Variants in XKR4 observed in about 807,000 individuals in gnomAD.
XKR4 encodes the protein XK related 4, also known as XK-related protein 4.
XKR4 carries 12 observed loss-of-function variants against 53.9 expected under a neutral mutation model. The ratio of observed to expected loss-of-function variants is 0.22; its 90% confidence interval spans 0.14 to 0.36. XKR4 has a LOEUF of 0.36. Ranked by LOEUF, XKR4 falls within the 10% of genes least tolerant of loss-of-function variation. The probability of loss-of-function intolerance (pLI) is 1.00; values close to 1 mark genes in which losing one functional copy is unlikely to be tolerated. For missense variants in XKR4, 799 were observed against 859.5 expected (o/e 0.93, Z 0.88); for synonymous variants, 354 against 362.4 (o/e 0.98, Z 0.26).
chr8:55,367,043 A>G (rs1803999161), intron 2 of XKR4, among the ~76,000 whole-genome samples: 1 of 152,204 alleles, frequency 6.6e-6, no homozygotes, highest in Admixed American at 6.5e-5. Flanking sequence ...CAAGTGTAAC[A>G]TAGATACAGA....
chr8:55,287,807 A>C (rs1250305782), intron 1 of XKR4, among the ~76,000 whole-genome samples: 2 of 152,192 alleles, frequency 1.3e-5, no homozygotes. Context: ...GAAGATAAGT[A>C]TGTTGTTTGC....
At position 55,536,346 on chromosome 8, in the gene XKR4, G is replaced by C. The variant is rs1807032268; in HGVS notation, c.*12119G>C. 1 of 152,174 alleles carries C rather than the reference G, an allele frequency of 6.6e-6. No homozygotes were observed. Among genetic ancestry groups the C allele is most frequent in the Non-Finnish European group, 1.5e-5 (1 of 68,044 alleles). The allele number at this position is 152,174 out of a possible 1,614,324, so 9.4% of individuals were successfully genotyped here. ...TCCTGACTAAGTTTCTTTTCTTTGG[G>C]GGGCTTTCAACATCTGAATTTTCCA... is the stretch of plus-strand genomic sequence containing the variant. On this transcript the variant is annotated 3_prime_UTR_variant, in exon 3 of 3. Transcript: ENST00000327381.
intron 1 of XKR4, among the ~76,000 whole-genome samples, chr8:55,248,265 G>T (rs538520218): frequency 6.4e-4 from 98 of 152,240 alleles, no homozygotes; most frequent in African/African-American, 2.4e-3. Flanking sequence ...AATATTTTTA[G>T]TTTCTTTTTC....
intron 1 of XKR4, among the ~76,000 whole-genome samples, chr8:55,119,934 C>T (rs892781563): frequency 1.3e-5 from 2 of 152,160 alleles, no homozygotes; most frequent in Non-Finnish European, 2.9e-5. Context: ...AATAAAGATG[C>T]TCTGTAAATG....
At chr8:55,139,218 G>T (rs1414433045) in intron 1 of XKR4, among the ~76,000 whole-genome samples, 3 of 152,154 alleles carry the variant, frequency 2.0e-5, no homozygotes, top group Non-Finnish European at 4.4e-5. Context: ...GATGAGAAGG[G>T]ACTTGCAATA....
At chr8:55,135,927 CT>C (rs1464816812) in intron 1 of XKR4, among the ~76,000 whole-genome samples, 1 of 150,436 alleles carries the variant, frequency 6.6e-6, no homozygotes, top group Non-Finnish European at 1.5e-5. Flanking sequence ...CAGAGTCTCG[CT>C]CTGTCCCCAG....
chr8:55,268,625 ATAGT>A (rs975632522), intron 1 of XKR4, among the ~76,000 whole-genome samples: 11 of 152,208 alleles, frequency 7.2e-5, no homozygotes, highest in Non-Finnish European at 1.3e-4. Flanking sequence ...TTCAAAAAAG[ATAGT>A]TAGGAAGACA....
At chr8:55,453,674 C>A (rs556495329) in intron 2 of XKR4, 2 of 410,662 alleles carry the variant, frequency 4.9e-6, no homozygotes, top group African/African-American at 2.1e-5. Context: ...GGGGAAGGGC[C>A]GGGGCGCCCA....
At position 55,535,204 on chromosome 8, in the gene XKR4, T is replaced by A. The variant is rs1807013549; in HGVS notation, c.*10977T>A. On this transcript the variant is annotated 3_prime_UTR_variant, in exon 3 of 3. Transcript: ENST00000327381. ...GGACAAAAAGTGGTCTACCACCATG[T>A]GACTTATTTTCTTTTTTTTTTTAAT... The A allele has an allele frequency of 7.9e-6, 1 of 125,906 alleles. No homozygotes were observed. Among genetic ancestry groups the A allele is most frequent in the African/African-American group, 2.9e-5 (1 of 34,216 alleles). 7.8% of individuals were successfully genotyped at this position (125,906 alleles called of 1,614,324 possible).
At position 55,103,093 on chromosome 8, in the gene XKR4, C is replaced by A; in HGVS notation, c.605C>A (p.Ala202Asp). ...ACGGTGGTCGGCGGTGGGTCTGCAGCCGGGGAAGGCGAGGCTCGTCCTTCC... is the reference window on the plus strand; with the variant it reads ...ACGGTGGTCGGCGGTGGGTCTGCAGACGGGGAAGGCGAGGCTCGTCCTTCC... ...CKTVVGGGSA[A>D]GEGEARPSTP... is the part of the protein sequence containing the mutation. The change falls in exon 1 of 3, where the codon GCC becomes GAC. Residue 202 changes from alanine (A) to aspartate (D), a missense_variant. Ala to Asp is a moderately radical substitution (Grantham distance 126). Coordinates refer to ENST00000327381, the MANE Select transcript of XKR4 (RefSeq NM_052898.2). 6.2e-7 allele frequency: 1 copy of A among 1,613,120 alleles called. No individual in the cohort carries two copies. The highest frequency in any genetic ancestry group is 1.1e-5 in the South Asian group (1 of 91,052).
At chr8:55,289,747 G>T in intron 1 of XKR4, among the ~76,000 whole-genome samples, 1 of 133,362 alleles carries the variant, frequency 7.5e-6, no homozygotes, top group South Asian at 2.4e-4. Flanking sequence ...GAAAGAAAAA[G>T]AAAGAAAGAA....
chr8:55,496,883 A>G (rs1806360212), intron 2 of XKR4, among the ~76,000 whole-genome samples: 1 of 152,220 alleles, frequency 6.6e-6, no homozygotes, highest in African/African-American at 2.4e-5. Flanking sequence ...TATTCAATAT[A>G]TCTGAATAGT....
Position 55,429,674 on chromosome 8 carries a change from C to A in XKR4, c.1006+71797C>A, listed in dbSNP as rs138019580. ...TGAACCCAAGAGTTCAAGGTTACAG[C>A]GAGCAGAGCACAGCACTGCATTTCA... On this transcript the variant is annotated intron_variant, in intron 2 of 2. Coordinates refer to ENST00000327381, the MANE Select transcript of XKR4 (RefSeq NM_052898.2). 5.8e-3 allele frequency among the ~76,000 whole-genome samples: 880 copies of A among 150,976 alleles called. 2 individuals are homozygous for A. The highest frequency in any genetic ancestry group is 0.01 in the Middle Eastern group (3 of 292).
chr8:55,174,730 C>T (rs559364801), intron 1 of XKR4, among the ~76,000 whole-genome samples: 45 of 152,304 alleles, frequency 3.0e-4, no homozygotes, highest in African/African-American at 1.0e-3. Flanking sequence ...TGTCACTAGT[C>T]TCTCCCAGTT....
At chr8:55,466,404 G>A (rs36190179) in intron 2 of XKR4, among the ~76,000 whole-genome samples, 63,190 of 151,200 alleles carry the variant, frequency 0.42, 13,683 homozygotes, top group East Asian at 0.54. Context: ...CAAACACCTC[G>A]TGTTCTCACT....
chr8:55,336,615 G>C (rs1803465335), intron 1 of XKR4, among the ~76,000 whole-genome samples: 1 of 151,978 alleles, frequency 6.6e-6, no homozygotes, highest in Non-Finnish European at 1.5e-5. Flanking sequence ...TTCTATGTAA[G>C]CCTAAAACTA....
chr8:55,315,564 GAGA>G (rs756151066), intron 1 of XKR4, among the ~76,000 whole-genome samples: 10 of 152,116 alleles, frequency 6.6e-5, no homozygotes, highest in Non-Finnish European at 1.5e-4. Context: ...GATGGTGAGG[GAGA>G]AGGATTGCTT....
intron 1 of XKR4, among the ~76,000 whole-genome samples, chr8:55,281,758 T>A (rs1413505264): frequency 6.6e-6 from 1 of 152,134 alleles, no homozygotes; most frequent in Admixed American, 6.5e-5. Context: ...TGTCAAAAAA[T>A]CCCCAAATGA....
intron 1 of XKR4, among the ~76,000 whole-genome samples, chr8:55,279,929 C>T (rs183524469): frequency 1.8e-4 from 27 of 152,190 alleles, no homozygotes; most frequent in South Asian, 4.2e-4. Context: ...AATGATCATG[C>T]GAGGCTGAGA....
Sources: allele counts gnomAD v4.1 joint callset (sites outside exome capture counted in the v4.1 genomes callset), GRCh38; gene constraint gnomAD v4.1.1; transcripts MANE v1.5; gene names NCBI Gene and HGNC (gene_info 2026-07-23, HGNC 2026-07-21).